Variants in DPRX observed in about 807,000 individuals in gnomAD.
DPRX encodes the protein divergent paired-related homeobox.
In DPRX, 11 loss-of-function variants were observed where a neutral mutation model predicts 8.4. That is an observed-to-expected ratio of 1.31 (90% CI 0.82 to 2.17). The LOEUF is 2.17. Among genes scored for constraint, DPRX ranks in the 30% most tolerant of loss-of-function variants. The probability of loss-of-function intolerance (pLI) is 0.00; values close to 1 mark genes in which losing one functional copy is unlikely to be tolerated. For synonymous variants in DPRX, 72 were observed against 87.0 expected (o/e 0.83, Z 0.96); for missense variants, 211 against 236.7 (o/e 0.89, Z 0.71).
chr19:53,625,734 T>C, the DPRX span, among the ~76,000 whole-genome samples: 1 of 151,226 alleles, frequency 6.6e-6, no homozygotes, highest in African/African-American at 2.4e-5. Context: ...ACCTTCCAGG[T>C]TCAAGTGATT....
chr19:53,629,967 G>A (rs572615623), upstream of DPRX: 4 of 152,194 alleles, frequency 2.6e-5, no homozygotes, highest in Admixed American at 6.6e-5. Flanking sequence ...AGCACTTTGG[G>A]AGGCCAAGGC....
chr19:53,611,523 G>A, the DPRX span, among the ~76,000 whole-genome samples: 3 of 152,034 alleles, frequency 2.0e-5, no homozygotes, highest in African/African-American at 7.2e-5. Flanking sequence ...ACGAGCCTCC[G>A]CGCCTGGCCC....
At chr19:53,609,352 G>A in the DPRX span, among the ~76,000 whole-genome samples, 6 of 149,448 alleles carry the variant, frequency 4.0e-5, no homozygotes, top group African/African-American at 7.4e-5. Context: ...CCTATAATCG[G>A]AGCTACCCAG....
At chr19:53,613,719 C>T in the DPRX span, among the ~76,000 whole-genome samples, 1 of 151,742 alleles carries the variant, frequency 6.6e-6, no homozygotes, top group Non-Finnish European at 1.5e-5. Flanking sequence ...TACTCCACAA[C>T]CCCAAACGAT....
intron 2 of DPRX, among the ~76,000 whole-genome samples, chr19:53,635,164 G>A (rs935030439): frequency 7.2e-5 from 11 of 152,060 alleles, no homozygotes; most frequent in Non-Finnish European, 1.3e-4. Flanking sequence ...TTACAAGCAT[G>A]AGCCCGGCTG....
the DPRX span, among the ~76,000 whole-genome samples, chr19:53,605,914 CCA>C: frequency 6.6e-6 from 1 of 152,112 alleles, no homozygotes; most frequent in Non-Finnish European, 1.5e-5. Flanking sequence ...AGCAATCCTC[CCA>C]CCTCAGCCTC....
the DPRX span, among the ~76,000 whole-genome samples, chr19:53,625,797 C>G: frequency 6.6e-6 from 1 of 151,978 alleles, no homozygotes; most frequent in Non-Finnish European, 1.5e-5. Context: ...GTCACCGCAC[C>G]CGGCTAATTT....
At chr19:53,604,261 G>C in the DPRX span, 1 of 152,454 alleles carries the variant, frequency 6.6e-6, no homozygotes, top group African/African-American at 2.4e-5. Context: ...GGGGGTCTTG[G>C]AACGTGTCCC....
At chr19:53,618,176 A>T in the DPRX span, among the ~76,000 whole-genome samples, 1 of 151,620 alleles carries the variant, frequency 6.6e-6, no homozygotes, top group African/African-American at 2.4e-5. Flanking sequence ...AAGAAAAGAA[A>T]ATATACTGCA....
At chr19:53,635,534 C>T (rs1260275519) in intron 2 of DPRX, among the ~76,000 whole-genome samples, 2 of 151,690 alleles carry the variant, frequency 1.3e-5, no homozygotes, top group Non-Finnish European at 2.9e-5. Context: ...GTGTGTACCA[C>T]CAGGCCCAGC....
At chr19:53,634,821 C>T (rs972679040) in intron 2 of DPRX, 136 bp downstream of exon 2, 60 of 1,252,280 alleles carry the variant, frequency 4.8e-5, no homozygotes, top group Middle Eastern at 2.0e-4. Context: ...CTCACGTCCC[C>T]GTAAACCTTT....
intron 2 of DPRX, 29 bp downstream of exon 2, chr19:53,634,714 A>G: frequency 6.2e-7 from 1 of 1,600,850 alleles, no homozygotes; most frequent in Non-Finnish European, 8.5e-7. Context: ...TTCTCACTAA[A>G]CTGCCTTCCT....
exon 3 of DPRX, chr19:53,636,850 C>T: frequency 1.9e-6 from 3 of 1,614,146 alleles, no homozygotes; most frequent in Non-Finnish European, 2.5e-6. Context: ...ACTTCATTGG[C>T]CACAGAATAG....
At chr19:53,608,816 A>T in the DPRX span, among the ~76,000 whole-genome samples, 1 of 151,570 alleles carries the variant, frequency 6.6e-6, no homozygotes, top group Non-Finnish European at 1.5e-5. Context: ...TTAGCCGGGC[A>T]TGGTGGCGGG....
chr19:53,634,597 A>G, exon 2 of DPRX: 1 of 1,613,972 alleles, frequency 6.2e-7, no homozygotes, highest in Non-Finnish European at 8.5e-7. Flanking sequence ...GAAGATCTGA[A>G]CATCTTGTTC....
At chr19:53,611,695 C>T in the DPRX span, among the ~76,000 whole-genome samples, 1 of 152,120 alleles carries the variant, frequency 6.6e-6, no homozygotes, top group Non-Finnish European at 1.5e-5. Flanking sequence ...AGGCAAAGTA[C>T]GTTAACCGAA....
the DPRX span, chr19:53,601,275 C>T: frequency 2.2e-6 from 1 of 456,444 alleles, no homozygotes; most frequent in Non-Finnish European, 4.4e-6. Context: ...CAATCAACAT[C>T]CAGACTCCAC....
intron 1 of DPRX, 128 bp from the exon 2 acceptor site, chr19:53,634,403 C>T: frequency 8.2e-7 from 1 of 1,217,662 alleles, no homozygotes; most frequent in Non-Finnish European, 1.1e-6. Context: ...TGCACTCCAG[C>T]CTCGGTGACA....
chr19:53,628,980 A>T (rs1031940692), upstream of DPRX, among the ~76,000 whole-genome samples: 36 of 152,038 alleles, frequency 2.4e-4, no homozygotes, highest in Non-Finnish European at 2.4e-4. Context: ...AAATGAATGG[A>T]TTAAACAATA....
Sources: allele counts gnomAD v4.1 joint callset (sites outside exome capture counted in the v4.1 genomes callset), GRCh38; gene constraint gnomAD v4.1.1; transcripts MANE v1.5; gene names NCBI Gene and HGNC (gene_info 2026-07-23, HGNC 2026-07-21).